RAP1GAP2: variants seen among roughly 807,000 people sequenced by gnomAD.
The protein encoded by RAP1GAP2 is rap1 GTPase-activating protein 2.
In RAP1GAP2, 27 loss-of-function variants were observed where a neutral mutation model predicts 95.0. The ratio of observed to expected loss-of-function variants is 0.28; its 90% confidence interval spans 0.21 to 0.39. The LOEUF is 0.39. Ranked by LOEUF, RAP1GAP2 falls within the 10% of genes least tolerant of loss-of-function variation. The pLI, the probability that RAP1GAP2 is intolerant of heterozygous loss-of-function variation, is 1.00. For synonymous variants in RAP1GAP2, 373 were observed against 380.9 expected (o/e 0.98, Z 0.24); for missense variants, 771 against 970.0 (o/e 0.79, Z 2.72).
At chr17:2,911,764 G>A (rs1049660381) in intron 3 of RAP1GAP2, among the ~76,000 whole-genome samples, 5 of 152,110 alleles carry the variant, frequency 3.3e-5, no homozygotes, top group Non-Finnish European at 5.9e-5. Context: ...TGACCCCCTG[G>A]GACCATAGAC....
chr17:2,768,631 G>A (rs1226220176), intron 1 of RAP1GAP2, among the ~76,000 whole-genome samples: 1 of 149,292 alleles, frequency 6.7e-6, no homozygotes, highest in Non-Finnish European at 1.5e-5. Flanking sequence ...TGCAGAGGTT[G>A]CAGTGAGCTG....
rs573934805 is a variant in RAP1GAP2 at position 3,033,165 on chromosome 17, C to T, written c.*31-227C>T. The T allele has an allele frequency of 4.6e-5, 7 of 152,846 alleles. No homozygotes were observed. Among genetic ancestry groups the T allele is most frequent in the African/African-American group, 1.4e-4 (6 of 41,580 alleles). The allele number at this position is 152,846 out of a possible 1,614,324, so 9.5% of individuals were successfully genotyped here. A position where few individuals can be genotyped will look rare whatever the true frequency, so the allele number is the denominator to read the frequency against. On this transcript the variant is annotated intron_variant, in intron 24 of 24. Coordinates refer to ENST00000254695, the MANE Select transcript of RAP1GAP2 (RefSeq NM_015085.5). This position sits in a 1 kb window ranked among gnomAD's most constrained non-coding sequence, Gnocchi z 4.9. ...ATGGACCTTCACCCCCGGCTCCCAT[C>T]ACGCACTCTGGACGCCACTGCCCAC...
At chr17:2,849,525 G>C (rs1485797054) in intron 2 of RAP1GAP2, among the ~76,000 whole-genome samples, 4 of 152,212 alleles carry the variant, frequency 2.6e-5, no homozygotes, top group Non-Finnish European at 4.4e-5. Context: ...CAACCCACTG[G>C]CCCCTCAGGA....
In RAP1GAP2 at chr17:3,026,295, G is replaced by C. The variant is rs567915773; in HGVS notation, c.1866-55G>C. On this transcript the variant is annotated intron_variant, in intron 20 of 24. Transcript: ENST00000254695. The stretch of plus-strand genomic sequence containing the variant: ...CCAGAGGTCCCGGGGAGGACCCTGG[G>C]GGTGGAGGGCTCTCGCGTGTGACCC... The C allele has an allele frequency of 2.8e-4, 413 of 1,455,292 alleles. 1 individual carries two copies. In the African/African-American group the frequency reaches 5.2e-3, roughly 18 times the overall value. 90.1% of individuals were successfully genotyped at this position (1,455,292 alleles called of 1,614,324 possible).
intron 17 of RAP1GAP2, among the ~76,000 whole-genome samples, chr17:3,010,918 A>T (rs1016510106): frequency 4.0e-4 from 60 of 150,936 alleles, no homozygotes; most frequent in African/African-American, 1.1e-3. Flanking sequence ...GATTTTTTTT[A>T]AATTTTTTTA....
intron 2 of RAP1GAP2, among the ~76,000 whole-genome samples, chr17:2,865,666 GC>G (rs2072587065): frequency 6.6e-6 from 1 of 152,216 alleles, no homozygotes; most frequent in Admixed American, 6.5e-5. Flanking sequence ...GCCAGGAAGG[GC>G]TTTTGAGAGT....
chr17:2,913,141 G>A (rs1025239469), intron 3 of RAP1GAP2, among the ~76,000 whole-genome samples: 9 of 152,012 alleles, frequency 5.9e-5, no homozygotes, highest in African/African-American at 9.7e-5. Context: ...TTGCACCACT[G>A]CACTCTAGCC....
At chr17:2,954,165 C>A (rs1470476047) in intron 3 of RAP1GAP2, among the ~76,000 whole-genome samples, 2 of 151,856 alleles carry the variant, frequency 1.3e-5, no homozygotes, top group African/African-American at 4.8e-5. Context: ...AGTGCAGTAG[C>A]GCGATCTTGG....
intron 2 of RAP1GAP2, among the ~76,000 whole-genome samples, chr17:2,845,299 C>A (rs141982969): frequency 6.6e-6 from 1 of 152,126 alleles, no homozygotes; most frequent in Admixed American, 6.6e-5. Context: ...CCCACCACCA[C>A]GCCCAGCTAA....
chr17:3,031,816 T>G (rs2047315674), intron 23 of RAP1GAP2, among the ~76,000 whole-genome samples: 2 of 142,410 alleles, frequency 1.4e-5, no homozygotes. Context: ...GGTTCCTGGG[T>G]CCCCCAGTCC....
At chr17:2,770,090 AAAAAG>A (rs1340394033) in intron 1 of RAP1GAP2, among the ~76,000 whole-genome samples, 1 of 150,560 alleles carries the variant, frequency 6.6e-6, no homozygotes, top group African/African-American at 2.5e-5. Flanking sequence ...AAAAAAAAAA[AAAAAG>A]AAGAAGAAAG....
At chr17:2,985,399 C>G (rs746433969) in intron 11 of RAP1GAP2, among the ~76,000 whole-genome samples, 1 of 152,138 alleles carries the variant, frequency 6.6e-6, no homozygotes, top group Non-Finnish European at 1.5e-5. Context: ...GGAGCATAGG[C>G]TGCTCTCTCC....
chr17:2,800,859 T>C (rs1334810215), intron 2 of RAP1GAP2, among the ~76,000 whole-genome samples: 1 of 149,916 alleles, frequency 6.7e-6, no homozygotes, highest in South Asian at 2.1e-4. Flanking sequence ...TTCTTTCTTT[T>C]TTTTTTTTTG....
At chr17:2,766,517 G>A (rs900842332) in intron 1 of RAP1GAP2, among the ~76,000 whole-genome samples, 3 of 151,908 alleles carry the variant, frequency 2.0e-5, no homozygotes, top group African/African-American at 7.3e-5. Flanking sequence ...GGCTGAGGCA[G>A]GAGAATTGCT....
chr17:2,806,376 T>TTTATTATTATTATTATTGTTATTA (rs1555545386), intron 2 of RAP1GAP2, among the ~76,000 whole-genome samples: 43 of 139,950 alleles, frequency 3.1e-4, no homozygotes, highest in African/African-American at 1.1e-3. Flanking sequence ...CTACAACCTT[T>TTTATTATTATTATTATTGTTATTA]TTATTATTAT....
Position 2,906,705 on chromosome 17 carries a change from G to A in RAP1GAP2, c.165+1337G>A, listed in dbSNP as rs2042209137. ...TGGTCTACAAAGGTGGCTGTGGGAT[G>A]CTTGTCTCTGTCCTCACAGATGGCA... On this transcript the variant is annotated intron_variant, in intron 3 of 24. Coordinates refer to ENST00000254695, the MANE Select transcript of RAP1GAP2 (RefSeq NM_015085.5). This position sits in a 1 kb window ranked among gnomAD's most constrained non-coding sequence, Gnocchi z 4.3. Among the ~76,000 whole-genome samples, 2 of 152,108 alleles carry A rather than the reference G, an allele frequency of 1.3e-5. No individual in the cohort carries two copies. The highest frequency in any genetic ancestry group is 2.9e-5 in the Non-Finnish European group (2 of 68,014).
intron 3 of RAP1GAP2, among the ~76,000 whole-genome samples, chr17:2,920,938 C>T (rs958986201): frequency 6.6e-6 from 1 of 152,170 alleles, no homozygotes; most frequent in Non-Finnish European, 1.5e-5. Context: ...GTGTCTGGGA[C>T]TTCAGAGGCC....
At chr17:2,911,756 A>T (rs1567769445) in intron 3 of RAP1GAP2, among the ~76,000 whole-genome samples, 1 of 151,560 alleles carries the variant, frequency 6.6e-6, no homozygotes, top group Admixed American at 6.6e-5. Context: ...GGTCAGGGTG[A>T]CCCCCTGGGA....
chr17:2,867,352 C>A lies in RAP1GAP2; in HGVS notation c.81-37932C>A, dbSNP rs1053524230. Among the ~76,000 whole-genome samples the A allele has an allele frequency of 2.0e-5, 3 of 152,184 alleles. No individual in the cohort carries two copies. The highest frequency in any genetic ancestry group is 2.9e-5 in the Non-Finnish European group (2 of 68,030). On this transcript the variant is annotated intron_variant, in intron 2 of 24. Coordinates refer to ENST00000254695, the MANE Select transcript of RAP1GAP2 (RefSeq NM_015085.5). This position sits in a 1 kb window ranked among gnomAD's most constrained non-coding sequence, Gnocchi z 4.5. ...GATTCAGGCCTGGCTGGATCGAGAG[C>A]TCCAGTGGGGTCTTTGGACACTGGT...
Sources: gnomAD v4.1 joint callset for allele counts (sites outside exome capture counted in the v4.1 genomes callset) on GRCh38, gnomAD v4.1.1 for gene constraint, Gnocchi (gnomAD v3.1) non-coding constraint, MANE v1.5 for transcripts, NCBI Gene and HGNC (gene_info 2026-07-23, HGNC 2026-07-21) for gene names.